Variants in CHRM3 observed in about 807,000 individuals in gnomAD.
The protein encoded by CHRM3 is muscarinic acetylcholine receptor M3.
A neutral mutation model predicts 41.8 loss-of-function variants in CHRM3; 11 were observed. The ratio of observed to expected loss-of-function variants is 0.26; its 90% CI spans 0.17 to 0.44. The LOEUF is 0.44. Among genes scored for constraint, CHRM3 ranks in the 20% least tolerant of loss-of-function variants. The pLI is 1.00. For missense variants in CHRM3, 571 were observed against 745.4 expected (o/e 0.77, Z 2.72); for synonymous variants, 297 against 301.4 (o/e 0.99, Z 0.15).
intron 3 of CHRM3, among the ~76,000 whole-genome samples, chr1:239,597,563 G>A (rs913842998): frequency 1.1e-4 from 16 of 151,812 alleles, no homozygotes; most frequent in African/African-American, 3.9e-4. Flanking sequence ...TTGTTCTTTT[G>A]TCTCTTCTTA....
intron 5 of CHRM3, among the ~76,000 whole-genome samples, chr1:239,734,965 A>G (rs1664277431): frequency 1.3e-5 from 2 of 152,154 alleles, no homozygotes; most frequent in Non-Finnish European, 2.9e-5. Flanking sequence ...CCTATTCCAT[A>G]GCATGTATTC....
At chr1:239,527,440 C>T (rs12564240) in intron 2 of CHRM3, among the ~76,000 whole-genome samples, 1 of 152,186 alleles carries the variant, frequency 6.6e-6, no homozygotes, top group Admixed American at 6.5e-5. Flanking sequence ...TTCCCACTCA[C>T]TGCCATTTTT....
chr1:239,504,413 A>T (rs937708181), intron 2 of CHRM3, among the ~76,000 whole-genome samples: 1 of 152,200 alleles, frequency 6.6e-6, no homozygotes, highest in Non-Finnish European at 1.5e-5. Context: ...ATCAAAAAAC[A>T]GTAGATGTTG....
At chr1:239,815,680 A>T (rs1208203604) in intron 5 of CHRM3, among the ~76,000 whole-genome samples, 2 of 152,230 alleles carry the variant, frequency 1.3e-5, no homozygotes, top group Non-Finnish European at 2.9e-5. Context: ...GCCTACTGGT[A>T]ACCAACTCAA....
chr1:239,639,001 C>T (rs1056680760), intron 4 of CHRM3, among the ~76,000 whole-genome samples: 35 of 152,140 alleles, frequency 2.3e-4, no homozygotes, highest in African/African-American at 8.4e-4. Context: ...GTTTTCCCAG[C>T]ACCATTTATT....
intron 5 of CHRM3, among the ~76,000 whole-genome samples, chr1:239,728,183 G>A (rs777180664): frequency 1.5e-4 from 23 of 152,042 alleles, no homozygotes; most frequent in Non-Finnish European, 2.6e-4. Flanking sequence ...TGGAAGTGGA[G>A]CAAATATGCT....
At chr1:239,741,255 G>A (rs1370898249) in intron 5 of CHRM3, among the ~76,000 whole-genome samples, 2 of 152,064 alleles carry the variant, frequency 1.3e-5, no homozygotes, top group East Asian at 3.9e-4. Flanking sequence ...TATGGTTAGA[G>A]GACAAAAAAA....
At chr1:239,642,173 AC>A (rs1421886416) in intron 4 of CHRM3, among the ~76,000 whole-genome samples, 4 of 142,012 alleles carry the variant, frequency 2.8e-5, no homozygotes. Flanking sequence ...GGGTAACCCG[AC>A]CTTTCTCTCT....
At chr1:239,795,783 T>C (rs910621287) in intron 5 of CHRM3, among the ~76,000 whole-genome samples, 1 of 152,206 alleles carries the variant, frequency 6.6e-6, no homozygotes, top group Non-Finnish European at 1.5e-5. Flanking sequence ...AAATAGTGGA[T>C]TGTTTTTTCC....
At chr1:239,701,747 TC>T (rs1398135972) in intron 5 of CHRM3, among the ~76,000 whole-genome samples, 2 of 152,090 alleles carry the variant, frequency 1.3e-5, no homozygotes, top group African/African-American at 4.8e-5. Context: ...TCTCATTCCT[TC>T]CTAACCCACC....
At chr1:239,522,420 A>G (rs1049315965) in intron 2 of CHRM3, among the ~76,000 whole-genome samples, 5 of 152,248 alleles carry the variant, frequency 3.3e-5, no homozygotes, top group Admixed American at 1.3e-4. Flanking sequence ...GGGTCTAGCC[A>G]ACATGTGACT....
At chr1:239,813,925 A>AAAAAAACAAAAAAC (rs1553274106) in intron 5 of CHRM3, among the ~76,000 whole-genome samples, 3 of 146,392 alleles carry the variant, frequency 2.0e-5, no homozygotes, top group African/African-American at 8.2e-5. Context: ...TCAAAAAAAA[A>AAAAAAACAAAAAAC]AAAAAAAAAC....
At chr1:239,503,549 G>GA (rs962448179) in intron 2 of CHRM3, among the ~76,000 whole-genome samples, 2 of 150,940 alleles carry the variant, frequency 1.3e-5, no homozygotes, top group African/African-American at 4.9e-5. Context: ...CACAGAATTA[G>GA]AAAAAAAAAT....
Position 239,915,172 on chromosome 1 carries a change from G to T in CHRM3, c.*5948G>T, listed in dbSNP as rs895615312. ...GAAACCGCAGTCCAAAAACAGATGGGTGTATATTTGCTTTGTAAGCAAAGG... is the reference window on the plus strand; with the variant it reads ...GAAACCGCAGTCCAAAAACAGATGGTTGTATATTTGCTTTGTAAGCAAAGG... On this transcript the variant is annotated 3_prime_UTR_variant, in exon 7 of 7. Transcript: ENST00000676153. 6.0e-6 allele frequency: 1 copy of T among 167,080 alleles called. No homozygotes were observed. The highest frequency in any genetic ancestry group is 2.4e-5 in the African/African-American group (1 of 41,442). 10.3% of individuals were successfully genotyped at this position (167,080 alleles called of 1,614,324 possible).
chr1:239,463,172 A>T (rs1486736868), intron 1 of CHRM3, among the ~76,000 whole-genome samples: 1 of 152,196 alleles, frequency 6.6e-6, no homozygotes, highest in Admixed American at 6.5e-5. Flanking sequence ...AGTTTGGCAT[A>T]TTATAGATAC....
At chr1:239,504,409 A>G (rs770756863) in intron 2 of CHRM3, among the ~76,000 whole-genome samples, 70 of 152,154 alleles carry the variant, frequency 4.6e-4, no homozygotes, top group Non-Finnish European at 7.9e-4. Flanking sequence ...AAAAATCAAA[A>G]AACAGTAGAT....
At chr1:239,868,149 T>C (rs1284990699) in intron 6 of CHRM3, among the ~76,000 whole-genome samples, 1 of 152,202 alleles carries the variant, frequency 6.6e-6, no homozygotes, top group Non-Finnish European at 1.5e-5. Context: ...CACAGGAAGG[T>C]ACTATTGTGT....
At chr1:239,570,592 C>G (rs918231338) in intron 3 of CHRM3, among the ~76,000 whole-genome samples, 1 of 152,170 alleles carries the variant, frequency 6.6e-6, no homozygotes, top group Non-Finnish European at 1.5e-5. Context: ...CAAATCTATA[C>G]TAATGCTTGC....
At chr1:239,418,690 TA>T (rs1330649398) in intron 1 of CHRM3, among the ~76,000 whole-genome samples, 1 of 152,186 alleles carries the variant, frequency 6.6e-6, no homozygotes, top group Non-Finnish European at 1.5e-5. Flanking sequence ...TCAAAGGAAC[TA>T]AACATTTCAA....
Sources: allele counts gnomAD v4.1 joint callset (sites outside exome capture counted in the v4.1 genomes callset), GRCh38; gene constraint gnomAD v4.1.1; transcripts MANE v1.5; gene names NCBI Gene and HGNC (gene_info 2026-07-23, HGNC 2026-07-21).